Variants in SDK1 observed in about 807,000 individuals in gnomAD.
SDK1 encodes sidekick cell adhesion molecule 1, also known as protein sidekick-1.
SDK1 carries 157 observed loss-of-function variants against 245.5 expected under a neutral mutation model. That is an observed-to-expected ratio of 0.64 (90% CI 0.56 to 0.73). The LOEUF is 0.73. Among genes scored for constraint, SDK1 ranks in the 30% least tolerant of loss-of-function variants. The probability of loss-of-function intolerance (pLI) is 0.00; values close to 1 mark genes in which losing one functional copy is unlikely to be tolerated. For missense variants in SDK1, 3,583 were observed against 3,002.3 expected (o/e 1.19, Z -4.52); for synonymous variants, 1,647 against 1,278.5 (o/e 1.29, Z -6.15).
chr7:4,175,618 T>C (rs1782150453), intron 33 of SDK1, among the ~76,000 whole-genome samples, 157 bp from the exon 34 acceptor site: 1 of 152,170 alleles, frequency 6.6e-6, no homozygotes, highest in Admixed American at 6.5e-5. Context: ...GTGGAAAGCT[T>C]GGGCGGTAGC....
At position 4,114,303 on chromosome 7, in the gene SDK1, G is replaced by A. The variant is rs745382860; in HGVS notation, c.3823+29G>A. On this transcript the variant is annotated intron_variant, in intron 25 of 44. Coordinates refer to ENST00000404826, the MANE Select transcript of SDK1 (RefSeq NM_152744.4). ...AGGGGAAGGCGATTCCCATCCTGGAGACACCGCATTAGAGATGGGGCTGAG... is the reference window on the plus strand; with the variant it reads ...AGGGGAAGGCGATTCCCATCCTGGAAACACCGCATTAGAGATGGGGCTGAG... 6.5e-6 allele frequency: 10 copies of A among 1,538,472 alleles called. No homozygotes were observed. In the South Asian group the frequency reaches 9.4e-5, roughly 14 times the overall value.
intron 1 of SDK1, among the ~76,000 whole-genome samples, chr7:3,334,476 G>C (rs1780149287): frequency 6.6e-6 from 1 of 152,042 alleles, no homozygotes; most frequent in Non-Finnish European, 1.5e-5. Context: ...TAGAGAGTGT[G>C]AGAAAGCACA....
chr7:3,964,158 C>T (rs113619027), intron 9 of SDK1, among the ~76,000 whole-genome samples: 52 of 152,342 alleles, frequency 3.4e-4, no homozygotes, highest in African/African-American at 1.1e-3. Context: ...TCTGTTCAGC[C>T]CCCTGAGGTA....
intron 5 of SDK1, among the ~76,000 whole-genome samples, chr7:3,890,815 G>C (rs1295377561): frequency 6.6e-6 from 1 of 152,158 alleles, no homozygotes; most frequent in Admixed American, 6.5e-5. Flanking sequence ...TGTGGTGGGT[G>C]CCTGTAGTCC....
chr7:3,526,187 C>G (rs761402847), intron 1 of SDK1, among the ~76,000 whole-genome samples: 5 of 151,798 alleles, frequency 3.3e-5, no homozygotes, highest in Admixed American at 2.6e-4. Flanking sequence ...GAGCCGAGAT[C>G]GCATCACTGA....
chr7:3,353,590 G>A (rs908609337), intron 1 of SDK1, among the ~76,000 whole-genome samples: 7 of 152,146 alleles, frequency 4.6e-5, no homozygotes, highest in African/African-American at 1.7e-4. Context: ...TAACAGTTCT[G>A]TAACTGTAAC....
intron 1 of SDK1, among the ~76,000 whole-genome samples, chr7:3,492,096 A>G (rs1038575779): frequency 3.3e-5 from 5 of 152,236 alleles, no homozygotes; most frequent in African/African-American, 1.2e-4. Flanking sequence ...TGGCAGGATA[A>G]AACTTAAATT....
Position 4,158,480 on chromosome 7 carries a change from T to C in SDK1, c.4658T>C (p.Leu1553Pro). The C allele has an allele frequency of 6.2e-7, 1 of 1,613,746 alleles. No individual in the cohort carries two copies. Among genetic ancestry groups the C allele is most frequent in the South Asian group, 1.1e-5 (1 of 91,080 alleles). The stretch of plus-strand genomic sequence containing the variant: ...CCCTTCACCTCCTACAAGCTGCGCC[T>C]GAAAGCCACCAACGACATTGGGGAC... ...LRPFTSYKLR[L>P]KATNDIGDSD... The change falls in exon 31 of 45, where the codon CTG (leucine) becomes CCG (proline). Residue 1553 changes from leucine (L) to proline (P), a missense_variant. By Grantham distance (98) the Leu-to-Pro change is moderately conservative (BLOSUM62 -3). Transcript: ENST00000404826.
chr7:3,399,615 G>C lies in SDK1; in HGVS notation c.298+97731G>C, dbSNP rs141827379. ...TAAGGCTGCTGTTACTTCGTATAGT[G>C]ACTTCTCTGGACTAATCTCATAAAG... On this transcript the variant is annotated intron_variant, in intron 1 of 44. Coordinates refer to ENST00000404826, the MANE Select transcript of SDK1 (RefSeq NM_152744.4). Among the ~76,000 whole-genome samples the C allele has an allele frequency of 4.9e-3, 750 of 152,260 alleles. 10 individuals are homozygous for C. The highest frequency in any genetic ancestry group is 0.017 in the African/African-American group (704 of 41,548).
chr7:3,530,350 G>A (rs1783300773), intron 1 of SDK1, among the ~76,000 whole-genome samples: 1 of 152,118 alleles, frequency 6.6e-6, no homozygotes, highest in South Asian at 2.1e-4. Context: ...CATTTTCAAT[G>A]AAAGTTTATG....
Position 3,798,681 on chromosome 7 carries a change from G to A in SDK1, c.714-22769G>A, listed in dbSNP as rs182041584. Among the ~76,000 whole-genome samples, 33 of 152,246 alleles carry A rather than the reference G, an allele frequency of 2.2e-4. No homozygotes were observed. The East Asian group carries it at 5.0e-3, about 23-fold the overall frequency. The stretch of plus-strand genomic sequence containing the variant: ...GACAGGGTGGTCACTCGGCTAAGGC[G>A]GTGTCAGCCAGTATTGTTCCCTTTC... On this transcript the variant is annotated intron_variant, in intron 4 of 44. Coordinates refer to ENST00000404826, the MANE Select transcript of SDK1 (RefSeq NM_152744.4).
chr7:3,342,113 T>C (rs1489959875), intron 1 of SDK1, among the ~76,000 whole-genome samples: 1 of 152,204 alleles, frequency 6.6e-6, no homozygotes, highest in Non-Finnish European at 1.5e-5. Context: ...CAAATTAATT[T>C]TTGACAAAGG....
chr7:3,368,720 C>T (rs1351239052), intron 1 of SDK1, among the ~76,000 whole-genome samples: 2 of 152,158 alleles, frequency 1.3e-5, no homozygotes, highest in Admixed American at 6.5e-5. Context: ...GTCTGTGCCA[C>T]CTCTGTCTTC....
intron 14 of SDK1, among the ~76,000 whole-genome samples, chr7:3,987,603 C>G (rs144303781): frequency 4.6e-5 from 7 of 152,286 alleles, no homozygotes; most frequent in African/African-American, 1.7e-4. Flanking sequence ...CGCACAGTGT[C>G]ACTCCCAGGG....
intron 4 of SDK1, among the ~76,000 whole-genome samples, chr7:3,709,364 G>T (rs778574890): frequency 6.6e-6 from 1 of 152,178 alleles, no homozygotes; most frequent in Admixed American, 6.5e-5. Context: ...GGGCATGCAT[G>T]CAAGGCCCTT....
chr7:3,619,981 TG>T (rs1175203270), intron 2 of SDK1, among the ~76,000 whole-genome samples: 8 of 152,328 alleles, frequency 5.3e-5, no homozygotes, highest in Admixed American at 2.6e-4. Flanking sequence ...TATTACATGC[TG>T]CAGTTCTGTG....
chr7:3,833,396 T>G (rs1472490951), intron 5 of SDK1, among the ~76,000 whole-genome samples: 1 of 152,236 alleles, frequency 6.6e-6, no homozygotes, highest in Non-Finnish European at 1.5e-5. Flanking sequence ...GTGGTTCTAT[T>G]AATTCAGACA....
At chr7:3,725,749 G>T (rs114514484) in intron 4 of SDK1, among the ~76,000 whole-genome samples, 2 of 152,152 alleles carry the variant, frequency 1.3e-5, no homozygotes, top group East Asian at 3.9e-4. Flanking sequence ...GAAGAAAATT[G>T]CTAGTACCAG....
chr7:3,351,383 C>T (rs1780656263), intron 1 of SDK1, among the ~76,000 whole-genome samples: 1 of 152,096 alleles, frequency 6.6e-6, no homozygotes, highest in African/African-American at 2.4e-5. Context: ...CCACTGTCTA[C>T]TATGAAGACA....
Sources: gnomAD v4.1 joint callset for allele counts (sites outside exome capture counted in the v4.1 genomes callset) on GRCh38, gnomAD v4.1.1 for gene constraint, MANE v1.5 for transcripts, NCBI Gene and HGNC (gene_info 2026-07-23, HGNC 2026-07-21) for gene names.